The following HSF2 variants were observed in gnomAD, a reference collection of about 807,000 sequenced individuals.
HSF2 encodes the protein heat shock transcription factor 2.
A neutral mutation model predicts 65.0 loss-of-function variants in HSF2; 21 were observed. The ratio of observed to expected loss-of-function variants is 0.32; its 90% CI spans 0.23 to 0.47. HSF2 has a LOEUF of 0.47. HSF2 is among the 20% of genes least tolerant of loss of function. HSF2 has a pLI of 1.00. For missense variants in HSF2, 499 were observed against 628.1 expected, an observed-to-expected ratio of 0.79 and a Z score of 2.20; for synonymous variants, 225 against 219.1, an observed-to-expected ratio of 1.03 and a Z score of -0.24.
intron 1 of HSF2, among the ~76,000 whole-genome samples, chr6:122,407,445 T>G (rs1773892178): frequency 6.6e-6 from 1 of 152,204 alleles, no homozygotes; most frequent in Non-Finnish European, 1.5e-5. Flanking sequence ...CGTTCTTACT[T>G]TTTACCAATC....
chr6:122,419,021 G>A (rs947540465), intron 5 of HSF2, 147 bp from the exon 6 acceptor site: 4 of 545,570 alleles, frequency 7.3e-6, no homozygotes, highest in East Asian at 3.3e-5. Flanking sequence ...GTGGTTCTAC[G>A]GTGCGTCTGG....
At position 122,428,098 on chromosome 6, in the gene HSF2, T is replaced by G. The variant is rs78672671; in HGVS notation, c.1230+142T>G. ...GTATGTGTGATCAAGATAATAAAAT[T>G]CTAGTTGAAAAATTAGCTTTTGGTT... On this transcript the variant is annotated intron_variant, in intron 11 of 12. Transcript: ENST00000368455. 1.2e-3 allele frequency: 566 copies of G among 489,108 alleles called. 2 individuals are homozygous for G. Among genetic ancestry groups the G allele is most frequent in the African/African-American group, 0.011 (524 of 49,690 alleles). 30.3% of individuals were successfully genotyped at this position (489,108 alleles called of 1,614,324 possible).
At position 122,432,021 on chromosome 6, in the gene HSF2, CAGA is replaced by C. The variant is rs756479588; in HGVS notation, c.1415_1417del (p.Glu472del). 26 of 1,613,948 alleles carry C rather than the reference CAGA, an allele frequency of 1.6e-5. No homozygotes were observed. The highest frequency in any genetic ancestry group is 3.3e-4 in the Middle Eastern group (2 of 6,084). On this transcript the variant is annotated inframe_deletion, in exon 13 of 13. Transcript: ENST00000368455. ...GAACAGGCGAGTACAACAGCATCAT[CAGA>C]AGTTTTGTCCTCTGTAGATAAACCC...
rs1774028597 is a variant in HSF2 at position 122,412,724 on chromosome 6, A to G, written c.290A>G (p.Lys97Arg). 1 of 1,613,062 alleles carries G rather than the reference A, an allele frequency of 6.2e-7. No individual in the cohort carries two copies. The highest frequency in any genetic ancestry group is 1.7e-4 in the Middle Eastern group (1 of 6,056). Residue 97 changes from lysine (K) to arginine (R), a missense_variant, in exon 3 of 13, where the codon AAA becomes AGA. Physicochemically the swap from Lys to Arg is conservative, Grantham distance 26. Coordinates refer to ENST00000368455, the MANE Select transcript of HSF2 (RefSeq NM_004506.4). ...GTAGAATTTCAGCATCCTTACTTCAAACAAGGACAGGATGACTTGTTGGAG... is the reference window on the plus strand; with the variant it reads ...GTAGAATTTCAGCATCCTTACTTCAGACAAGGACAGGATGACTTGTTGGAG... ...GPVEFQHPYF[K>R]QGQDDLLENI...
chr6:122,422,030 C>T, intron 7 of HSF2, 120 bp from the exon 8 acceptor site: 1 of 662,704 alleles, frequency 1.5e-6, no homozygotes, highest in Non-Finnish European at 2.6e-6. Context: ...AGAGAACACA[C>T]CTGTTTTGCA....
chr6:122,432,023 G>T lies in HSF2; in HGVS notation c.1414G>T (p.Glu472Ter), dbSNP rs367882844. 14 of 1,613,928 alleles carry T rather than the reference G, an allele frequency of 8.7e-6. No homozygotes were observed. Among genetic ancestry groups the T allele is most frequent in the Non-Finnish European group, 1.1e-5 (13 of 1,179,964 alleles). Reference protein sequence around the residue: ...VEQASTTASSEVLSSVDKPIE... With the variant: ...VEQASTTASS ...ACAGGCGAGTACAACAGCATCATCAGAAGTTTTGTCCTCTGTAGATAAACC... is the reference window on the plus strand; with the variant it reads ...ACAGGCGAGTACAACAGCATCATCATAAGTTTTGTCCTCTGTAGATAAACC... The change falls in exon 13 of 13, where the codon GAA (glutamate) becomes TAA (stop). Residue 472 changes from glutamate (E) to a stop codon, truncating the protein, a stop_gained. Coordinates refer to ENST00000368455, the MANE Select transcript of HSF2 (RefSeq NM_004506.4). LOFTEE classifies it high-confidence loss of function.
chr6:122,429,868 G>A (rs1299651191), intron 11 of HSF2, among the ~76,000 whole-genome samples: 1 of 152,106 alleles, frequency 6.6e-6, no homozygotes, highest in Non-Finnish European at 1.5e-5. Context: ...CGACTTGATG[G>A]TGATGGATAA....
rs1042675140 is a variant in HSF2, at chr6:122,422,730, C to T, written c.843C>T (p.Tyr281=). 6.2e-7 allele frequency: 1 copy of T among 1,613,256 alleles called. No homozygotes were observed. The highest frequency in any genetic ancestry group is 1.1e-5 in the South Asian group (1 of 91,056). Residue 281 remains tyrosine (Y), a synonymous_variant, in exon 9 of 13, where the codon TAC becomes TAT. Transcript: ENST00000368455. ...VISDPSNCSQ[Y]PDIVIVEDDN... Reference sequence around the variant, plus strand: ...ATTGCTGATTTAGCTGTAGCCAGTACCCTGATATTGTCATCGTTGAAGATG... The same window carrying T: ...ATTGCTGATTTAGCTGTAGCCAGTATCCTGATATTGTCATCGTTGAAGATG...
At chr6:122,415,408 A>G (rs1359515809) in intron 4 of HSF2, among the ~76,000 whole-genome samples, 1 of 152,178 alleles carries the variant, frequency 6.6e-6, no homozygotes, top group African/African-American at 2.4e-5. Context: ...TATAAAATAG[A>G]GATGATGACT....
chr6:122,420,700 CTTTTTTTTTT>C (rs59305295), intron 7 of HSF2, among the ~76,000 whole-genome samples: 164 of 28,566 alleles, frequency 5.7e-3, no homozygotes, highest in African/African-American at 0.021. Flanking sequence ...TTATTCATTT[CTTTTTTTTTT>C]TTTTTTTTTT....
At chr6:122,421,245 C>T (rs953695272) in intron 7 of HSF2, among the ~76,000 whole-genome samples, 2 of 151,940 alleles carry the variant, frequency 1.3e-5, no homozygotes, top group Non-Finnish European at 2.9e-5. Flanking sequence ...AGTCCAAAGT[C>T]CAGATCTTTT....
At chr6:122,410,948 G>GTT (rs34451736) in intron 1 of HSF2, among the ~76,000 whole-genome samples, 7,891 of 128,850 alleles carry the variant, frequency 0.061, 290 homozygotes, top group Non-Finnish European at 0.071. Flanking sequence ...TTGTTTTTGG[G>GTT]TTTTTTTTTT....
chr6:122,423,488 G>C, intron 9 of HSF2, 93 bp from the exon 10 acceptor site: 5 of 556,258 alleles, frequency 9.0e-6, no homozygotes, highest in Non-Finnish European at 1.6e-5. Context: ...GCAGCTGCTA[G>C]AAATATCTTG....
At chr6:122,416,822 G>GT (rs768502363) in intron 5 of HSF2, among the ~76,000 whole-genome samples, 15 of 152,182 alleles carry the variant, frequency 9.9e-5, no homozygotes, top group African/African-American at 1.4e-4. Flanking sequence ...TTAGATTTTA[G>GT]TATCTGAGCT....
At chr6:122,409,452 C>G (rs1773941191) in intron 1 of HSF2, among the ~76,000 whole-genome samples, 1 of 151,822 alleles carries the variant, frequency 6.6e-6, no homozygotes, top group Non-Finnish European at 1.5e-5. Context: ...GTTTAAAATA[C>G]CTGCTTGTTA....
At position 122,404,093 on chromosome 6, in the gene HSF2, T is replaced by C. The variant is rs1773806445; in HGVS notation, c.93+4263T>C. On this transcript the variant is annotated intron_variant, in intron 1 of 12. Transcript: ENST00000368455. ...GAAGTGATTTCCACCAAAGACTTCATACCCAGCTTTCCCCCCTTTTTGTGC... is the reference window on the plus strand; with the variant it reads ...GAAGTGATTTCCACCAAAGACTTCACACCCAGCTTTCCCCCCTTTTTGTGC... Among the ~76,000 whole-genome samples, 3 of 152,218 alleles carry C rather than the reference T, an allele frequency of 2.0e-5. No homozygotes were observed. In the South Asian group the frequency reaches 6.2e-4, roughly 31 times the overall value.
chr6:122,430,426 T>G (rs1774436264), intron 11 of HSF2, among the ~76,000 whole-genome samples: 1 of 152,166 alleles, frequency 6.6e-6, no homozygotes, highest in African/African-American at 2.4e-5. Flanking sequence ...AGAATAACGG[T>G]GACGTCTTTG....
intron 1 of HSF2, among the ~76,000 whole-genome samples, chr6:122,412,134 T>C (rs1774011756): frequency 6.6e-6 from 1 of 151,978 alleles, no homozygotes; most frequent in Admixed American, 6.6e-5. Context: ...GAGTGTGATG[T>C]GGCATTTGGT....
At chr6:122,413,142 TA>T (rs2114433521) in intron 3 of HSF2, among the ~76,000 whole-genome samples, 1 of 152,096 alleles carries the variant, frequency 6.6e-6, no homozygotes, top group Non-Finnish European at 1.5e-5. Context: ...ACTAAATCTG[TA>T]AAAGGGGTGG....
Sources: gnomAD v4.1 joint callset for allele counts (sites outside exome capture counted in the v4.1 genomes callset) on GRCh38, gnomAD v4.1.1 for gene constraint, MANE v1.5 for transcripts, NCBI Gene and HGNC (gene_info 2026-07-23, HGNC 2026-07-21) for gene names.